VPS13B: variants seen among roughly 807,000 people sequenced by gnomAD.
VPS13B encodes the protein intermembrane lipid transfer protein VPS13B.
In VPS13B, 285 loss-of-function variants were observed where a neutral mutation model predicts 426.4. The observed-to-expected ratio is 0.67, with a 90% CI of 0.61 to 0.74. The LOEUF (loss-of-function observed/expected upper bound fraction) is 0.74. VPS13B is among the 30% of genes least tolerant of loss of function. VPS13B has a pLI of 0.00. For synonymous variants in VPS13B, 1,676 were observed against 1,676.4 expected (o/e 1.00, Z 0.01); for missense variants, 4,537 against 4,782.6 (o/e 0.95, Z 1.51).
chr8:99,135,226 A>T, intron 10 of VPS13B, 89 bp downstream of exon 10: 1 of 1,540,144 alleles, frequency 6.5e-7, no homozygotes, highest in Non-Finnish European at 8.9e-7. Context: ...TATCTGTTAG[A>T]CTATATATAT....
intron 33 of VPS13B, among the ~76,000 whole-genome samples, chr8:99,586,671 C>T (rs1457012648): frequency 6.6e-6 from 1 of 152,062 alleles, no homozygotes; most frequent in East Asian, 1.9e-4. Context: ...TTATTTTGCA[C>T]ATCTTTGAAA....
chr8:99,668,878 A>G (rs1563853806), intron 35 of VPS13B, among the ~76,000 whole-genome samples: 2 of 152,150 alleles, frequency 1.3e-5, no homozygotes, highest in African/African-American at 4.8e-5. Flanking sequence ...ACCCTGCGGA[A>G]CAGTCCACAG....
At chr8:99,175,931 A>G (rs928590254) in intron 16 of VPS13B, among the ~76,000 whole-genome samples, 3 of 152,166 alleles carry the variant, frequency 2.0e-5, no homozygotes, top group Non-Finnish European at 1.5e-5. Flanking sequence ...TACTATAATA[A>G]TTTCGTAGCC....
chr8:99,065,863 C>T lies in VPS13B; in HGVS notation c.291+27297C>T, dbSNP rs1467225694. Among the ~76,000 whole-genome samples, 6 of 152,166 alleles carry T rather than the reference C, an allele frequency of 3.9e-5. No homozygotes were observed. In the East Asian group the frequency reaches 9.6e-4, roughly 24 times the overall value. On this transcript the variant is annotated intron_variant, in intron 3 of 61. Transcript: ENST00000357162. ...CACAAGCATTCCTATACACTAATAA[C>T]AGACAGAGAGCCAAATCATGAGTGA... is the stretch of plus-strand genomic sequence containing the variant.
At chr8:99,842,150 T>G (rs1815726889) in intron 54 of VPS13B, among the ~76,000 whole-genome samples, 1 of 152,242 alleles carries the variant, frequency 6.6e-6, no homozygotes, top group Non-Finnish European at 1.5e-5. Context: ...CATTTTAAAT[T>G]TATTCCTTCC....
chr8:99,245,194 C>T (rs778503685), intron 17 of VPS13B, among the ~76,000 whole-genome samples: 1 of 152,182 alleles, frequency 6.6e-6, no homozygotes, highest in Admixed American at 6.5e-5. Context: ...TGATTTTGAA[C>T]AAGTTACTTA....
At chr8:99,348,612 A>C (rs1472999262) in intron 19 of VPS13B, among the ~76,000 whole-genome samples, 2 of 152,216 alleles carry the variant, frequency 1.3e-5, no homozygotes, top group African/African-American at 4.8e-5. Context: ...TCAGAGGATT[A>C]GTGTTGACAT....
In VPS13B at chr8:99,454,697, C is replaced by T. The variant is rs144817050; in HGVS notation, c.3445+12062C>T. Among the ~76,000 whole-genome samples the T allele has an allele frequency of 5.2e-4, 79 of 152,142 alleles. 1 individual carries two copies. The East Asian group carries it at 8.1e-3, about 16-fold the overall frequency. On this transcript the variant is annotated intron_variant, in intron 23 of 61. Coordinates refer to ENST00000357162, the MANE Select transcript of VPS13B (RefSeq NM_152564.5). Reference sequence around the variant, plus strand: ...GATCGTATGGTAAAAATGTTTAGTTCGGTAATATACCACCAGACTGTCTTC... The same window carrying T: ...GATCGTATGGTAAAAATGTTTAGTTTGGTAATATACCACCAGACTGTCTTC...
chr8:99,084,646 A>G, intron 3 of VPS13B, among the ~76,000 whole-genome samples: 1 of 152,082 alleles, frequency 6.6e-6, no homozygotes, highest in African/African-American at 2.4e-5. Flanking sequence ...AGATTCTGGT[A>G]TGTTGTGTCT....
intron 36 of VPS13B, among the ~76,000 whole-genome samples, chr8:99,712,175 C>T (rs921417997): frequency 2.0e-5 from 3 of 152,166 alleles, no homozygotes; most frequent in Admixed American, 6.5e-5. Context: ...GCAGTTTTTA[C>T]GTATGTGAAA....
intron 7 of VPS13B, among the ~76,000 whole-genome samples, chr8:99,118,071 A>G (rs1382331049): frequency 1.3e-5 from 2 of 152,186 alleles, no homozygotes; most frequent in Non-Finnish European, 2.9e-5. Flanking sequence ...CATTGCTGAG[A>G]CAGAAACAGT....
chr8:99,511,020 C>T, intron 28 of VPS13B, 84 bp from the exon 29 acceptor site: 2 of 1,470,674 alleles, frequency 1.4e-6, no homozygotes, highest in Non-Finnish European at 1.9e-6. Context: ...TAAAAATACT[C>T]ACTGAGGTCA....
Position 99,275,341 on chromosome 8 carries a change from T to A in VPS13B, c.2824+87T>A, listed in dbSNP as rs1388727732. ...GCTTTTAAAATTGGTATATATTTTTTTTTTTTTAGGTATTTTTGTCAATTG... is the reference window on the plus strand; with the variant it reads ...GCTTTTAAAATTGGTATATATTTTTATTTTTTTAGGTATTTTTGTCAATTG... On this transcript the variant is annotated intron_variant, in intron 19 of 61. Coordinates refer to ENST00000357162, the MANE Select transcript of VPS13B (RefSeq NM_152564.5). 16 of 1,323,236 alleles carry A rather than the reference T, an allele frequency of 1.2e-5. No individual in the cohort carries two copies. In the African/African-American group the frequency reaches 1.9e-4, roughly 16 times the overall value. The allele number at this position is 1,323,236 out of a possible 1,614,324, so 82.0% of individuals were successfully genotyped here.
chr8:99,402,031 G>C (rs1341420718), intron 21 of VPS13B, among the ~76,000 whole-genome samples: 1 of 152,116 alleles, frequency 6.6e-6, no homozygotes, highest in Non-Finnish European at 1.5e-5. Flanking sequence ...GGAGAATACT[G>C]TTGTGTTGGA....
chr8:99,728,995 C>T (rs764470844), intron 39 of VPS13B, among the ~76,000 whole-genome samples: 1 of 152,028 alleles, frequency 6.6e-6, no homozygotes, highest in Non-Finnish European at 1.5e-5. Flanking sequence ...CTTCTTAGGC[C>T]ACCCAGTACT....
intron 19 of VPS13B, among the ~76,000 whole-genome samples, chr8:99,280,149 T>C (rs1183760652): frequency 6.6e-6 from 1 of 152,166 alleles, no homozygotes; most frequent in African/African-American, 2.4e-5. Flanking sequence ...TCTGCTGGCC[T>C]TTTTTGATGT....
intron 33 of VPS13B, among the ~76,000 whole-genome samples, chr8:99,581,915 C>A (rs1340568821): frequency 6.6e-6 from 1 of 152,232 alleles, no homozygotes; most frequent in Admixed American, 6.5e-5. Context: ...GTTTCCGTGA[C>A]ATCTGGCTCT....
At chr8:99,139,204 A>C (rs1251419657) in intron 12 of VPS13B, among the ~76,000 whole-genome samples, 1 of 152,124 alleles carries the variant, frequency 6.6e-6, no homozygotes, top group Non-Finnish European at 1.5e-5. Context: ...TAAGCCTCCT[A>C]TGTGTTTCTT....
intron 19 of VPS13B, among the ~76,000 whole-genome samples, chr8:99,304,694 A>T (rs542673706): frequency 7.2e-5 from 11 of 152,286 alleles, no homozygotes; most frequent in Admixed American, 7.2e-4. Context: ...TCTCTGTACA[A>T]TGAATGGTAG....
Sources: allele counts gnomAD v4.1 joint callset (sites outside exome capture counted in the v4.1 genomes callset), GRCh38; gene constraint gnomAD v4.1.1; transcripts MANE v1.5; gene names NCBI Gene and HGNC (gene_info 2026-07-23, HGNC 2026-07-21).